Variants in NOB1 observed in about 807,000 individuals in gnomAD.
NOB1 encodes NIN1 (RPN12) binding protein 1 homolog, also known as RNA-binding protein NOB1.
NOB1 carries 44 observed loss-of-function variants against 44.8 expected under a neutral mutation model. That is an observed-to-expected ratio of 0.98 (90% CI 0.77 to 1.26). The LOEUF is 1.26. Ranked by LOEUF, NOB1 falls within the 50% of genes most tolerant of loss-of-function variation. NOB1 has a pLI of 0.00. For missense variants in NOB1, 560 were observed against 544.8 expected, an observed-to-expected ratio of 1.03 and a Z score of -0.28; for synonymous variants, 238 against 218.7, an observed-to-expected ratio of 1.09 and a Z score of -0.78.
chr16:69,751,351 A>G (rs1307807940), intron 3 of NOB1, among the ~76,000 whole-genome samples: 3 of 95,832 alleles, frequency 3.1e-5, no homozygotes, highest in African/African-American at 8.3e-5. Context: ...ATACAGATAT[A>G]TAGATTTTTA....
intron 1 of NOB1, 26 bp from the exon 2 acceptor site, chr16:69,754,752 AC>A (rs1019066315): frequency 5.0e-6 from 8 of 1,613,410 alleles, no homozygotes; most frequent in Middle Eastern, 1.6e-4. Context: ...CCCAGCTCAG[AC>A]CCACCCGCAC....
In NOB1 at chr16:69,749,124, A is replaced by C; in HGVS notation, c.526-6T>G. ...ACGTCCTCACCTCTGTCAATCTGAA[A>C]CATCAACAGACCTTTCAAACTCCCA... is the stretch of plus-strand genomic sequence containing the variant. On this transcript the variant is annotated splice_region_variant and splice_polypyrimidine_tract_variant and intron_variant, in intron 5 of 8. Transcript: ENST00000268802. 1 of 1,614,178 alleles carries C rather than the reference A, an allele frequency of 6.2e-7. No homozygotes were observed. The highest frequency in any genetic ancestry group is 1.1e-5 in the South Asian group (1 of 91,086).
intron 5 of NOB1, 47 bp from the exon 6 acceptor site, chr16:69,749,165 G>C: frequency 1.2e-6 from 2 of 1,613,468 alleles, no homozygotes; most frequent in Non-Finnish European, 8.5e-7. Context: ...CAGGAGCAGT[G>C]GAGGAGAAGT....
In NOB1 at chr16:69,754,850, G is replaced by T. The variant is rs149323142; in HGVS notation, c.61C>A (p.Gln21Lys). 6 of 1,600,650 alleles carry T rather than the reference G, an allele frequency of 3.7e-6. No individual in the cohort carries two copies. The highest frequency in any genetic ancestry group is 1.3e-5 in the African/African-American group (1 of 74,748). Residue 21 changes from glutamine (Q) to lysine (K), a missense_variant and splice_region_variant, in exon 1 of 9, where the codon CAG (glutamine) becomes AAG (lysine). Physicochemically the swap from Gln to Lys is moderately conservative, Grantham distance 53. Transcript: ENST00000268802. ...GTCCCGGAGGGAGCTCCCCGTACCT[G>T]CAGAGCCGCATGCCGCAGGAAAGCC... The part of the protein sequence containing the change: ...AGAFLRHAAL[Q>K]DIGKNIYTIR...
intron 3 of NOB1, 135 bp downstream of exon 3, chr16:69,752,106 A>T: frequency 1.3e-6 from 1 of 778,712 alleles, no homozygotes; most frequent in South Asian, 1.7e-5. Flanking sequence ...AGTGTAGATG[A>T]ATACAGACTA....
intron 8 of NOB1, among the ~76,000 whole-genome samples, chr16:69,742,825 C>A (rs1305971377): frequency 2.0e-5 from 3 of 152,156 alleles, no homozygotes; most frequent in African/African-American, 7.2e-5. Context: ...TGACTACATA[C>A]CTTCAGCTAA....
At chr16:69,750,474 A>G (rs532330846) in intron 3 of NOB1, among the ~76,000 whole-genome samples, 1 of 152,160 alleles carries the variant, frequency 6.6e-6, no homozygotes, top group South Asian at 2.1e-4. Flanking sequence ...AAAAAATTTT[A>G]AAATTAGCCA....
chr16:69,751,935 G>A (rs537129458), intron 3 of NOB1, among the ~76,000 whole-genome samples: 10 of 152,170 alleles, frequency 6.6e-5, no homozygotes, highest in African/African-American at 9.6e-5. Flanking sequence ...GGTCGTGGGC[G>A]CCTGTAATCC....
At chr16:69,754,052 G>A (rs536926674) in intron 2 of NOB1, among the ~76,000 whole-genome samples, 1 of 152,272 alleles carries the variant, frequency 6.6e-6, no homozygotes, top group Non-Finnish European at 1.5e-5. Flanking sequence ...TGATGCGCCC[G>A]CCTCGGTCTC....
chr16:69,752,041 G>A (rs1785479926), intron 3 of NOB1, among the ~76,000 whole-genome samples, 200 bp downstream of exon 3: 1 of 151,990 alleles, frequency 6.6e-6, no homozygotes. Context: ...CTCCAGCCTG[G>A]GCGACAGAGC....
intron 7 of NOB1, among the ~76,000 whole-genome samples, chr16:69,746,210 G>A (rs2038429720): frequency 6.6e-6 from 1 of 152,246 alleles, no homozygotes; most frequent in Admixed American, 6.5e-5. Context: ...AAGAGCTGGG[G>A]ACCCAGAGAG....
chr16:69,751,451 A>G (rs769760196), intron 3 of NOB1, among the ~76,000 whole-genome samples: 18 of 152,054 alleles, frequency 1.2e-4, no homozygotes, highest in Non-Finnish European at 2.1e-4. Flanking sequence ...GGATCACTTG[A>G]GCCCAGGAGT....
rs2038509869 is a variant in NOB1, at chr16:69,754,632, A to T, written c.158T>A (p.Leu53Gln). The T allele has an allele frequency of 1.9e-6, 3 of 1,614,036 alleles. No individual in the cohort carries two copies. Among genetic ancestry groups the T allele is most frequent in the Admixed American group, 1.7e-5 (1 of 60,006 alleles). ...TTCCGGTAAGGGCTCCTTGAACCGC[A>T]GCTCGTAGGGCAGGACAGCGAGCCG... ...RRRLAVLPYE[L>Q]RFKEPLPEYV... The change falls in exon 2 of 9, where the codon CTG becomes CAG. Residue 53 changes from leucine to glutamine, a missense_variant. Leu to Gln is a moderately radical substitution (Grantham distance 113). Transcript: ENST00000268802.
intron 7 of NOB1, among the ~76,000 whole-genome samples, chr16:69,747,812 G>A (rs2038445801): frequency 1.3e-5 from 2 of 152,110 alleles, no homozygotes; most frequent in Non-Finnish European, 2.9e-5. Context: ...GAATGATGAG[G>A]TGGAAGAAAC....
chr16:69,743,761 A>C (rs1056553184), intron 8 of NOB1, among the ~76,000 whole-genome samples: 4 of 152,214 alleles, frequency 2.6e-5, no homozygotes, highest in African/African-American at 9.7e-5. Context: ...GGACCCAAAA[A>C]ATCCCCTTCT....
At chr16:69,744,318 TCAAA>T (rs772581042) in intron 8 of NOB1, among the ~76,000 whole-genome samples, 4 of 152,196 alleles carry the variant, frequency 2.6e-5, no homozygotes, top group Non-Finnish European at 4.4e-5. Flanking sequence ...AGACCCTGTC[TCAAA>T]CAACAAGAAA....
intron 3 of NOB1, 105 bp downstream of exon 3, chr16:69,752,136 G>T (rs913672688): frequency 4.0e-6 from 4 of 995,522 alleles, no homozygotes; most frequent in Non-Finnish European, 6.2e-6. Flanking sequence ...TAATTGGAGG[G>T]GGGGATGATG....
intron 2 of NOB1, 147 bp from the exon 3 acceptor site, chr16:69,752,518 C>T (rs928827690): frequency 8.7e-5 from 72 of 822,926 alleles, no homozygotes; most frequent in Middle Eastern, 2.7e-4. Context: ...TCATGAAAAA[C>T]CTTAACACTT....
chr16:69,746,926 C>G (rs987176594), intron 7 of NOB1, among the ~76,000 whole-genome samples: 1 of 149,814 alleles, frequency 6.7e-6, no homozygotes, highest in Non-Finnish European at 1.5e-5. Context: ...CCCCAAAAAC[C>G]AAAAACAAGA....
Sources: allele counts gnomAD v4.1 joint callset (sites outside exome capture counted in the v4.1 genomes callset), GRCh38; gene constraint gnomAD v4.1.1; transcripts MANE v1.5; gene names NCBI Gene and HGNC (gene_info 2026-07-23, HGNC 2026-07-21).